The following TGFBR3 variants were observed in gnomAD, a reference collection of about 807,000 sequenced individuals.
The protein encoded by TGFBR3 is transforming growth factor beta receptor type 3.
TGFBR3 carries 46 observed loss-of-function variants against 87.9 expected under a neutral mutation model. The observed-to-expected ratio is 0.52, with a 90% CI of 0.41 to 0.67. The LOEUF is 0.67. Among genes scored for constraint, TGFBR3 ranks in the 30% least tolerant of loss-of-function variants. The probability of loss-of-function intolerance (pLI) is 0.00; values close to 1 mark genes in which losing one functional copy is unlikely to be tolerated. For synonymous variants in TGFBR3, 381 were observed against 391.6 expected (o/e 0.97, Z 0.32); for missense variants, 866 against 1,041.9 (o/e 0.83, Z 2.32).
intron 14 of TGFBR3, among the ~76,000 whole-genome samples, chr1:91,698,787 G>A (rs971105679): frequency 2.0e-5 from 3 of 152,056 alleles, no homozygotes; most frequent in Non-Finnish European, 2.9e-5. Flanking sequence ...GACTATAGGC[G>A]CGAGCCACTG....
Position 91,719,173 on chromosome 1 carries a change from G to T in TGFBR3, c.1566+139C>A. On this transcript the variant is annotated intron_variant, in intron 10 of 16. Coordinates refer to ENST00000212355, the MANE Select transcript of TGFBR3 (RefSeq NM_003243.5). ...CTCAGGGTCAAAGTACATCCATTTTGTTGAGAACTGACACTTGGCTTTCTT... is the reference window on the plus strand; with the variant it reads ...CTCAGGGTCAAAGTACATCCATTTTTTTGAGAACTGACACTTGGCTTTCTT... 2.7e-6 allele frequency: 3 copies of T among 1,131,096 alleles called. No individual in the cohort carries two copies. In the South Asian group the frequency reaches 4.1e-5, roughly 15 times the overall value. 70.1% of individuals were successfully genotyped at this position (1,131,096 alleles called of 1,614,324 possible). A position where few individuals can be genotyped will look rare whatever the true frequency, so the allele number is the denominator to read the frequency against.
chr1:91,889,863 T>C (rs1009787632), upstream of TGFBR3, among the ~76,000 whole-genome samples: 2 of 151,870 alleles, frequency 1.3e-5, no homozygotes, highest in African/African-American at 2.4e-5. Flanking sequence ...GTATTTTCAG[T>C]AGAGACAGGG....
intron 2 of TGFBR3, among the ~76,000 whole-genome samples, chr1:91,835,522 C>T (rs1677025757): frequency 6.6e-6 from 1 of 152,044 alleles, no homozygotes; most frequent in African/African-American, 2.4e-5. Context: ...CAGATAATCT[C>T]CAAGGATTCT....
intron 4 of TGFBR3, among the ~76,000 whole-genome samples, chr1:91,737,083 C>T (rs1672992329): frequency 6.6e-6 from 1 of 152,310 alleles, no homozygotes; most frequent in South Asian, 2.1e-4. Flanking sequence ...GGAACAACTC[C>T]CTCTGCTCCC....
chr1:91,883,767 A>G (rs1428140785), intron 1 of TGFBR3, among the ~76,000 whole-genome samples: 2 of 151,812 alleles, frequency 1.3e-5, no homozygotes, highest in East Asian at 1.9e-4. Flanking sequence ...ACAAATGTCA[A>G]ACTGAAGGGC....
intron 4 of TGFBR3, among the ~76,000 whole-genome samples, chr1:91,755,813 T>C (rs1673720381): frequency 6.6e-6 from 1 of 152,188 alleles, no homozygotes; most frequent in South Asian, 2.1e-4. Context: ...ATGACATACG[T>C]AGCCCACACT....
At chr1:91,748,270 G>A (rs1262912924) in intron 4 of TGFBR3, among the ~76,000 whole-genome samples, 2 of 152,166 alleles carry the variant, frequency 1.3e-5, no homozygotes, top group African/African-American at 4.8e-5. Context: ...AGATGATCAA[G>A]GTGGTCTCCT....
intron 2 of TGFBR3, among the ~76,000 whole-genome samples, chr1:91,851,197 TCC>T (rs1677715774): frequency 6.6e-6 from 1 of 152,098 alleles, no homozygotes; most frequent in Non-Finnish European, 1.5e-5. Flanking sequence ...TGGGCTTCAG[TCC>T]CCAGAGCACC....
upstream of TGFBR3, among the ~76,000 whole-genome samples, chr1:91,886,751 G>T (rs1028640888): frequency 2.6e-5 from 4 of 152,016 alleles, no homozygotes; most frequent in Non-Finnish European, 5.9e-5. Flanking sequence ...GCGGAGTCTT[G>T]CCTCTTCCCC....
chr1:91,745,298 G>T (rs532965659), intron 4 of TGFBR3, among the ~76,000 whole-genome samples: 17 of 152,294 alleles, frequency 1.1e-4, no homozygotes, highest in African/African-American at 3.4e-4. Context: ...TTTTGGAGTT[G>T]CCTGCTTAGG....
chr1:91,757,918 G>C (rs187081632), intron 4 of TGFBR3, among the ~76,000 whole-genome samples: 13 of 152,268 alleles, frequency 8.5e-5, no homozygotes, highest in Admixed American at 8.5e-4. Flanking sequence ...TGCAGCTCTC[G>C]TAATAGACAA....
At chr1:91,706,684 G>T (rs940622682) in intron 14 of TGFBR3, among the ~76,000 whole-genome samples, 4 of 152,108 alleles carry the variant, frequency 2.6e-5, no homozygotes, top group Non-Finnish European at 5.9e-5. Flanking sequence ...GTTTCTTTAC[G>T]TCTCTAATAA....
chr1:91,716,881 G>A (rs1174634177), intron 10 of TGFBR3, among the ~76,000 whole-genome samples, 173 bp from the exon 11 acceptor site: 2 of 152,218 alleles, frequency 1.3e-5, no homozygotes, highest in Admixed American at 6.5e-5. Flanking sequence ...TCAAAGTGAT[G>A]AAGAATAAGG....
intron 4 of TGFBR3, among the ~76,000 whole-genome samples, chr1:91,747,865 C>T (rs1227961882): frequency 6.6e-6 from 1 of 152,242 alleles, no homozygotes; most frequent in Non-Finnish European, 1.5e-5. Context: ...GCCTGAGCTG[C>T]CCTTCCTGAA....
chr1:91,739,922 T>C (rs115319912), intron 4 of TGFBR3, among the ~76,000 whole-genome samples: 223 of 152,210 alleles, frequency 1.5e-3, no homozygotes, highest in African/African-American at 5.1e-3. Context: ...CTACATACTT[T>C]TAAATAACCA....
chr1:91,868,122 T>C (rs1678451723), intron 1 of TGFBR3, among the ~76,000 whole-genome samples: 1 of 152,224 alleles, frequency 6.6e-6, no homozygotes, highest in African/African-American at 2.4e-5. Context: ...TTCGCCATGT[T>C]GGCCCAGCTG....
Position 91,708,775 on chromosome 1 carries a change from A to G in TGFBR3, c.2175T>C (p.Pro725=). ...CCAGCGAGGTGCAGGCTTCGTCAGG[A>G]GGCACACACTGCAGACAGGCAGAAC... is the stretch of plus-strand genomic sequence containing the variant. ...KHPQKLPKCV[P]PDEACTSLDA... is the part of the protein sequence containing the mutation. Residue 725 remains proline, a synonymous_variant, in exon 14 of 17, where the codon CCT becomes CCC. Transcript: ENST00000212355. The G allele has an allele frequency of 3.1e-6, 5 of 1,613,922 alleles. No homozygotes were observed. Among genetic ancestry groups the G allele is most frequent in the Non-Finnish European group, 4.2e-6 (5 of 1,179,980 alleles).
Position 91,680,365 on chromosome 1 carries a change from T to C in TGFBR3, c.*3374A>G. On this transcript the variant is annotated 3_prime_UTR_variant, in exon 17 of 17. Coordinates refer to ENST00000212355, the MANE Select transcript of TGFBR3 (RefSeq NM_003243.5). ...ATATTAATAACTGATATATATCTTT[T>C]TATTATGCACAGATAAAAGATTTAA... 2.3e-6 allele frequency: 1 copy of C among 437,856 alleles called. No homozygotes were observed. Among genetic ancestry groups the C allele is most frequent in the Non-Finnish European group, 4.5e-6 (1 of 221,610 alleles). The allele number at this position is 437,856 out of a possible 1,614,324, so 27.1% of individuals were successfully genotyped here.
rs539028612 is a variant in TGFBR3, at chr1:91,823,779, C to T, written c.62-26308G>A. On this transcript the variant is annotated intron_variant, in intron 2 of 16. Coordinates refer to ENST00000212355, the MANE Select transcript of TGFBR3 (RefSeq NM_003243.5). ...AGAAAAATTCTCTGTATCTTGATTGCAGTGGTGATTGCACAGGCATATGTA... is the reference window on the plus strand; with the variant it reads ...AGAAAAATTCTCTGTATCTTGATTGTAGTGGTGATTGCACAGGCATATGTA... Among the ~76,000 whole-genome samples, 4 of 152,302 alleles carry T rather than the reference C, an allele frequency of 2.6e-5. No individual in the cohort carries two copies. The South Asian group carries it at 8.3e-4, about 32-fold the overall frequency.
Sources: allele counts gnomAD v4.1 joint callset (sites outside exome capture counted in the v4.1 genomes callset), GRCh38; gene constraint gnomAD v4.1.1; transcripts MANE v1.5; gene names NCBI Gene and HGNC (gene_info 2026-07-23, HGNC 2026-07-21).